Variants in ADGRE1 observed in about 807,000 individuals in gnomAD.
ADGRE1 encodes EGF-like module receptor 1.
In ADGRE1, 82 loss-of-function variants were observed where a neutral mutation model predicts 102.7. The ratio of observed to expected loss-of-function variants is 0.80; its 90% CI spans 0.67 to 0.96. ADGRE1 has a LOEUF of 0.96. ADGRE1 is among the 40% of genes least tolerant of loss of function. The pLI, the probability that ADGRE1 is intolerant of heterozygous loss-of-function variation, is 0.00. For missense variants in ADGRE1, 1,032 were observed against 1,085.3 expected (o/e 0.95, Z 0.69); for synonymous variants, 398 against 399.6 (o/e 1.00, Z 0.05).
At chr19:6,910,674 C>T (rs977175459) in intron 10 of ADGRE1, among the ~76,000 whole-genome samples, 1 of 146,600 alleles carries the variant, frequency 6.8e-6, no homozygotes, top group African/African-American at 2.5e-5. Flanking sequence ...CGGGTTCATG[C>T]CATTCTCCTG....
intron 2 of ADGRE1, 28 bp downstream of exon 2, chr19:6,890,571 C>T (rs539848782): frequency 1.2e-6 from 2 of 1,606,544 alleles, no homozygotes; most frequent in Non-Finnish European, 1.7e-6. Context: ...AATGCAGATG[C>T]CTGAAGGGGT....
chr19:6,919,470 G>C, intron 12 of ADGRE1, 78 bp from the exon 13 acceptor site: 1 of 799,312 alleles, frequency 1.3e-6, no homozygotes. Flanking sequence ...GTGTGTGTGT[G>C]TGTGTGTGTG....
At chr19:6,901,502 A>G (rs987029091) in intron 5 of ADGRE1, among the ~76,000 whole-genome samples, 2 of 152,216 alleles carry the variant, frequency 1.3e-5, no homozygotes, top group African/African-American at 2.4e-5. Context: ...GGGTAGAGAA[A>G]CAGACTCCAC....
chr19:6,925,523 G>T (rs1974861628), intron 15 of ADGRE1, among the ~76,000 whole-genome samples: 1 of 152,028 alleles, frequency 6.6e-6, no homozygotes. Context: ...GTCACAACTG[G>T]AGCAGCGTGC....
rs190161718 is a variant in ADGRE1 at position 6,924,643 on chromosome 19, A to G, written c.1792-35A>G. On this transcript the variant is annotated intron_variant, in intron 14 of 20. Transcript: ENST00000312053. ...TCCCGCCTGGGGGGATTTTGATCCCATTCTCAGGCCAACTCTGAAATTCCT... is the reference window on the plus strand; with the variant it reads ...TCCCGCCTGGGGGGATTTTGATCCCGTTCTCAGGCCAACTCTGAAATTCCT... The G allele has an allele frequency of 6.4e-4, 1,025 of 1,593,656 alleles. 6 individuals are homozygous for G. In the African/African-American group the frequency reaches 0.012, roughly 19 times the overall value.
chr19:6,897,682 T>G, intron 5 of ADGRE1, 135 bp downstream of exon 5: 1 of 921,106 alleles, frequency 1.1e-6, no homozygotes, highest in Non-Finnish European at 1.5e-6. Context: ...AATATATAGT[T>G]GCTTATATCT....
intron 12 of ADGRE1, among the ~76,000 whole-genome samples, chr19:6,917,739 C>CAAA (rs35172767): frequency 6.9e-5 from 8 of 116,354 alleles, no homozygotes; most frequent in African/African-American, 1.4e-4. Flanking sequence ...GACTCCATCT[C>CAAA]AAAAAAAAAA....
At chr19:6,924,249 G>C (rs1974788760) in intron 14 of ADGRE1, among the ~76,000 whole-genome samples, 1 of 151,934 alleles carries the variant, frequency 6.6e-6, no homozygotes. Context: ...CTGTCATTTT[G>C]CCACCCCACT....
In ADGRE1 at chr19:6,916,099, T is replaced by C. The variant is rs910378154; in HGVS notation, c.1301-150T>C. ...GCTATGGTCCCCCTATCATTCATCA[T>C]GGGCCTCAAGATCTTTCCTATGATG... On this transcript the variant is annotated intron_variant, in intron 11 of 20. Coordinates refer to ENST00000312053, the MANE Select transcript of ADGRE1 (RefSeq NM_001974.5). The C allele has an allele frequency of 7.9e-6, 6 of 755,064 alleles. No homozygotes were observed. The African/African-American group carries it at 8.8e-5, about 11-fold the overall frequency. The allele number at this position is 755,064 out of a possible 1,614,324, so 46.8% of individuals were successfully genotyped here. A position where few individuals can be genotyped will look rare whatever the true frequency, so the allele number is the denominator to read the frequency against.
chr19:6,904,834 T>C (rs1232844585), intron 8 of ADGRE1, among the ~76,000 whole-genome samples: 2 of 152,070 alleles, frequency 1.3e-5, no homozygotes, highest in African/African-American at 4.8e-5. Flanking sequence ...AAGTGGCTAA[T>C]AGGATATTGA....
rs753958276 is a variant in ADGRE1, at chr19:6,928,207, T to G, written c.2285T>G (p.Ile762Arg). 3.0e-5 allele frequency: 48 copies of G among 1,614,092 alleles called. No individual in the cohort carries two copies. Among genetic ancestry groups the G allele is most frequent in the Non-Finnish European group, 4.0e-5 (47 of 1,180,046 alleles). ...WSFLGPVCTV[I>R]VINSLLLTWT... ...TTCTTGGGGCCAGTTTGCACAGTTA[T>G]AGTGGTAAGCAAATACTACAACAGC... The change falls in exon 17 of 21, where the codon ATA becomes AGA. Residue 762 changes from isoleucine (I) to arginine (R), a missense_variant. Transcript: ENST00000312053.
intron 1 of ADGRE1, among the ~76,000 whole-genome samples, chr19:6,889,487 G>A (rs985423558): frequency 2.6e-5 from 4 of 151,594 alleles, no homozygotes; most frequent in African/African-American, 9.7e-5. Flanking sequence ...TCAGGAGATC[G>A]AGACCATCCT....
chr19:6,892,415 C>A (rs1341942281), intron 2 of ADGRE1, among the ~76,000 whole-genome samples: 1 of 152,184 alleles, frequency 6.6e-6, no homozygotes, highest in Non-Finnish European at 1.5e-5. Context: ...CACATCCAAT[C>A]CATCGGCAAA....
chr19:6,928,577 C>T lies in ADGRE1; in HGVS notation c.2289+366C>T, dbSNP rs1975016676. The T allele has an allele frequency of 1.5e-5, 4 of 261,236 alleles. No homozygotes were observed. In the South Asian group the frequency reaches 2.3e-4, roughly 15 times the overall value. 16.2% of individuals were successfully genotyped at this position (261,236 alleles called of 1,614,324 possible). ...AGGAGACATGGAGGTTGCAGTGAGC[C>T]AAATTCATGCCACTGTACTCCAGCC... On this transcript the variant is annotated intron_variant, in intron 17 of 20. Coordinates refer to ENST00000312053, the MANE Select transcript of ADGRE1 (RefSeq NM_001974.5).
chr19:6,890,597 C>T, intron 2 of ADGRE1, 54 bp downstream of exon 2: 1 of 1,566,066 alleles, frequency 6.4e-7, no homozygotes, highest in Non-Finnish European at 8.7e-7. Context: ...AAGTTTTCTC[C>T]CCGGGGAAAC....
At position 6,925,220 on chromosome 19, in the gene ADGRE1, A is replaced by T. The variant is rs141859007; in HGVS notation, c.1986+348A>T. Among the ~76,000 whole-genome samples, 1,203 of 152,252 alleles carry T rather than the reference A, an allele frequency of 7.9e-3. 9 individuals carry two copies. Among genetic ancestry groups the T allele is most frequent in the Non-Finnish European group, 0.01 (691 of 68,016 alleles). On this transcript the variant is annotated intron_variant, in intron 15 of 20. Coordinates refer to ENST00000312053, the MANE Select transcript of ADGRE1 (RefSeq NM_001974.5). ...CACTGCAACCCCTGCCTCTTGGTTC[A>T]AGCAATTCTCCTGCCTCAGCCTCCT...
chr19:6,902,486 G>A (rs893281291), intron 6 of ADGRE1, among the ~76,000 whole-genome samples: 3 of 152,064 alleles, frequency 2.0e-5, no homozygotes, highest in Admixed American at 2.0e-4. Context: ...TGTTGCCCAG[G>A]CTGGAGTGCA....
chr19:6,933,277 T>G (rs1975241686), intron 17 of ADGRE1, among the ~76,000 whole-genome samples: 1 of 152,188 alleles, frequency 6.6e-6, no homozygotes, highest in Non-Finnish European at 1.5e-5. Context: ...TCAAGGACAT[T>G]GGGCTTTCTT....
chr19:6,902,565 C>A (rs1015875297), intron 6 of ADGRE1, among the ~76,000 whole-genome samples: 19 of 151,232 alleles, frequency 1.3e-4, no homozygotes, highest in Admixed American at 9.3e-4. Flanking sequence ...CTCAGCCTCC[C>A]AAGTAGATGG....
Sources: allele counts gnomAD v4.1 joint callset (sites outside exome capture counted in the v4.1 genomes callset), GRCh38; gene constraint gnomAD v4.1.1; transcripts MANE v1.5; gene names NCBI Gene and HGNC (gene_info 2026-07-23, HGNC 2026-07-21).